Variants in MACROD2 observed in about 807,000 individuals in gnomAD.
MACROD2 encodes mono-ADP ribosylhydrolase 2.
In MACROD2, 36 loss-of-function variants were observed where a neutral mutation model predicts 70.4. That is an observed-to-expected ratio of 0.51 (90% confidence interval 0.39 to 0.68). MACROD2 has a LOEUF of 0.68. Among genes scored for constraint, MACROD2 ranks in the 30% least tolerant of loss-of-function variants. The probability of loss-of-function intolerance (pLI) is 0.00; values close to 1 mark genes in which losing one functional copy is unlikely to be tolerated. For missense variants in MACROD2, 496 were observed against 538.4 expected, an observed-to-expected ratio of 0.92 and a Z score of 0.78; for synonymous variants, 172 against 178.8, an observed-to-expected ratio of 0.96 and a Z score of 0.30.
At chr20:14,540,716 T>A (rs1254879047) in intron 4 of MACROD2, among the ~76,000 whole-genome samples, 1 of 152,162 alleles carries the variant, frequency 6.6e-6, no homozygotes, top group African/African-American at 2.4e-5. Flanking sequence ...TATTTTGAGC[T>A]TCTGAGCAAG....
At chr20:15,628,289 T>C (rs1472307901) in intron 8 of MACROD2, among the ~76,000 whole-genome samples, 2 of 152,204 alleles carry the variant, frequency 1.3e-5, no homozygotes, top group Non-Finnish European at 2.9e-5. Flanking sequence ...AATAAATAGG[T>C]CAGCCTTTAT....
At chr20:14,417,071 ATCTATCTATCTATCT>A (rs2083816348) in intron 3 of MACROD2, among the ~76,000 whole-genome samples, 1 of 18,870 alleles carries the variant, frequency 5.3e-5, no homozygotes, top group Non-Finnish European at 1.2e-4. Context: ...TCTATCATCT[ATCTATCTATCTATCT>A]ATCTATCTAT....
chr20:14,983,331 T>C (rs756936520), intron 5 of MACROD2, among the ~76,000 whole-genome samples: 3 of 152,106 alleles, frequency 2.0e-5, no homozygotes, highest in Non-Finnish European at 4.4e-5. Context: ...CGGAAATGAG[T>C]TAAGACTTTG....
chr20:15,948,967 C>T (rs1243917899), intron 12 of MACROD2, among the ~76,000 whole-genome samples: 1 of 152,122 alleles, frequency 6.6e-6, no homozygotes, highest in Non-Finnish European at 1.5e-5. Context: ...GTGTTTTGGA[C>T]CTGAATTTAC....
In MACROD2 at chr20:15,431,420, T is replaced by A; in HGVS notation, c.556T>A (p.Ser186Thr). The A allele has an allele frequency of 6.2e-7, 1 of 1,611,518 alleles. No individual in the cohort carries two copies. Among genetic ancestry groups the A allele is most frequent in the Non-Finnish European group, 8.5e-7 (1 of 1,178,196 alleles). ...NIRSVAFPCI[S>T]TGIYGFPNEP... is the part of the protein sequence containing the mutation. ...TTATTCACAGGCATTTCCCTGCATC[T>A]CAACAGGCATTTATGGTAAGTGATA... Residue 186 changes from serine (S) to threonine (T), a missense_variant, in exon 7 of 18, where the codon TCA becomes ACA. Transcript: ENST00000684519.
intron 6 of MACROD2, among the ~76,000 whole-genome samples, chr20:15,394,152 T>C (rs533829677): frequency 6.6e-6 from 1 of 152,168 alleles, no homozygotes; most frequent in South Asian, 2.1e-4. Context: ...TCATATCAAC[T>C]CTCCTAACAG....
At chr20:14,153,108 G>A (rs890008060) in intron 3 of MACROD2, among the ~76,000 whole-genome samples, 7 of 152,178 alleles carry the variant, frequency 4.6e-5, no homozygotes, top group African/African-American at 1.7e-4. Context: ...TTATAGTTAC[G>A]AAAACCAAGG....
intron 8 of MACROD2, among the ~76,000 whole-genome samples, chr20:15,738,732 A>T (rs1568533765): frequency 2.0e-5 from 3 of 152,140 alleles, no homozygotes; most frequent in Non-Finnish European, 2.9e-5. Flanking sequence ...CCAGAAGTTG[A>T]GGCACATCCA....
chr20:14,248,481 G>C (rs558562794), intron 3 of MACROD2, among the ~76,000 whole-genome samples: 19 of 152,280 alleles, frequency 1.2e-4, no homozygotes, highest in African/African-American at 4.3e-4. Flanking sequence ...TACTCTGGAG[G>C]CGGAGGCAGG....
chr20:15,856,419 G>A (rs1212395552), intron 8 of MACROD2, among the ~76,000 whole-genome samples: 1 of 152,088 alleles, frequency 6.6e-6, no homozygotes, highest in Non-Finnish European at 1.5e-5. Context: ...CTTTTTTATA[G>A]AGTGCTTTGC....
At chr20:15,840,239 T>C (rs2064156280) in intron 8 of MACROD2, among the ~76,000 whole-genome samples, 1 of 152,148 alleles carries the variant, frequency 6.6e-6, no homozygotes, top group African/African-American at 2.4e-5. Flanking sequence ...GCGAGGACAA[T>C]AAGAACTACT....
At chr20:15,046,509 G>A (rs552548669) in intron 5 of MACROD2, among the ~76,000 whole-genome samples, 32 of 152,274 alleles carry the variant, frequency 2.1e-4, no homozygotes, top group African/African-American at 6.5e-4. Flanking sequence ...CAAGTGTCAC[G>A]TCTGTGTTTT....
intron 4 of MACROD2, among the ~76,000 whole-genome samples, chr20:14,644,353 A>G (rs180680609): frequency 6.6e-6 from 1 of 152,266 alleles, no homozygotes; most frequent in African/African-American, 2.4e-5. Context: ...GCCCATTTCA[A>G]AGCTTGTTTG....
intron 5 of MACROD2, among the ~76,000 whole-genome samples, chr20:14,907,015 C>T (rs1051588518): frequency 6.6e-6 from 1 of 152,162 alleles, no homozygotes; most frequent in African/African-American, 2.4e-5. Flanking sequence ...GGAGGTGGAA[C>T]TTGGACACTG....
chr20:14,399,640 T>C (rs1470952448), intron 3 of MACROD2, among the ~76,000 whole-genome samples: 1 of 152,190 alleles, frequency 6.6e-6, no homozygotes, highest in Non-Finnish European at 1.5e-5. Context: ...CTGTTGTTTT[T>C]CCAAATAAAT....
At chr20:15,090,030 C>T (rs1190674813) in intron 5 of MACROD2, among the ~76,000 whole-genome samples, 1 of 152,056 alleles carries the variant, frequency 6.6e-6, no homozygotes, top group Non-Finnish European at 1.5e-5. Flanking sequence ...TAGTTTAGAT[C>T]AGTGTGTGCT....
At chr20:14,876,083 C>T (rs960735422) in intron 5 of MACROD2, among the ~76,000 whole-genome samples, 1 of 152,140 alleles carries the variant, frequency 6.6e-6, no homozygotes, top group South Asian at 2.1e-4. Context: ...AATTTACACT[C>T]CCACCAACAA....
intron 5 of MACROD2, among the ~76,000 whole-genome samples, chr20:15,190,629 G>A (rs540775740): frequency 6.6e-6 from 1 of 152,306 alleles, no homozygotes; most frequent in African/African-American, 2.4e-5. Context: ...TGAAAAGATA[G>A]TTTGTTACTC....
chr20:15,831,086 T>C (rs2064051064), intron 8 of MACROD2, among the ~76,000 whole-genome samples: 1 of 152,186 alleles, frequency 6.6e-6, no homozygotes, highest in South Asian at 2.1e-4. Context: ...TGGATGCTAC[T>C]AAGCCAGTCA....
Sources: gnomAD v4.1 joint callset for allele counts (sites outside exome capture counted in the v4.1 genomes callset) on GRCh38, gnomAD v4.1.1 for gene constraint, MANE v1.5 for transcripts, NCBI Gene and HGNC (gene_info 2026-07-23, HGNC 2026-07-21) for gene names.